Variants in TLE2 observed in about 807,000 individuals in gnomAD.
TLE2 encodes TLE family member 2, transcriptional corepressor, also known as transducin-like enhancer protein 2.
Under a neutral mutation model 97.2 loss-of-function variants are expected in TLE2, and 74 were observed. The observed-to-expected ratio is 0.76, with a 90% CI of 0.63 to 0.92. The LOEUF (loss-of-function observed/expected upper bound fraction) is 0.92. TLE2 is among the 40% of genes least tolerant of loss of function. The probability of loss-of-function intolerance (pLI) is 0.00; values close to 1 mark genes in which losing one functional copy is unlikely to be tolerated. For synonymous variants in TLE2, 499 were observed against 432.1 expected, an observed-to-expected ratio of 1.15 and a Z score of -1.92; for missense variants, 1,038 against 1,008.7, an observed-to-expected ratio of 1.03 and a Z score of -0.39.
At chr19:3,036,772 G>A (rs141615882) in intron 1 of TLE2, among the ~76,000 whole-genome samples, 1 of 152,346 alleles carries the variant, frequency 6.6e-6, no homozygotes, top group Non-Finnish European at 1.5e-5. Context: ...GTGCTGTTCT[G>A]CCTGGGAGCA....
intron 5 of TLE2, among the ~76,000 whole-genome samples, chr19:3,023,005 T>G (rs974497892): frequency 6.6e-6 from 1 of 151,990 alleles, no homozygotes; most frequent in African/African-American, 2.4e-5. Flanking sequence ...GTTTGCTAAT[T>G]CCTGGAAATG....
intron 1 of TLE2, among the ~76,000 whole-genome samples, chr19:3,040,880 T>C (rs570736399): frequency 6.7e-6 from 1 of 150,082 alleles, no homozygotes; most frequent in African/African-American, 2.4e-5. Context: ...CAGTTTCTGG[T>C]TTGCAGTGAG....
intron 1 of TLE2, among the ~76,000 whole-genome samples, chr19:3,038,551 C>T (rs1352362361): frequency 2.6e-5 from 4 of 152,220 alleles, no homozygotes; most frequent in Non-Finnish European, 5.9e-5. Context: ...CCCACTCTCC[C>T]CTCACGCTCC....
rs771464115 is a variant in TLE2, at chr19:3,005,884, T to G, written c.1585A>C (p.Ile529Leu). ...GGGGTGGGCGCCGCCAGGTCCCAAATGGACAAGGTGCTGGCCTCACCGCCC... is the reference window on the plus strand; with the variant it reads ...GGGGTGGGCGCCGCCAGGTCCCAAAGGGACAAGGTGCTGGCCTCACCGCCC... ...IVGGEASTLS[I>L]WDLAAPTPRI... The change falls in exon 16 of 20, where the codon ATT (isoleucine) becomes CTT (leucine). Residue 529 changes from isoleucine to leucine, a missense_variant. Physicochemically the swap from Ile to Leu is conservative, Grantham distance 5. Transcript: ENST00000262953. 3 of 1,613,542 alleles carry G rather than the reference T, an allele frequency of 1.9e-6. No individual in the cohort carries two copies. Among genetic ancestry groups the G allele is most frequent in the African/African-American group, 2.7e-5 (2 of 74,796 alleles).
intron 1 of TLE2, among the ~76,000 whole-genome samples, chr19:3,035,310 C>T (rs1026531148): frequency 6.6e-6 from 1 of 152,160 alleles, no homozygotes; most frequent in African/African-American, 2.4e-5. Context: ...AGGGAAGCAA[C>T]CTGCCAGGCG....
At chr19:3,029,504 G>A (rs2090003448), upstream of TLE2, 2 of 983,488 alleles carry the variant, frequency 2.0e-6, no homozygotes, top group Non-Finnish European at 1.2e-6. Flanking sequence ...TCCCGGAGGG[G>A]CGGGAGAAGA....
intron 17 of TLE2, among the ~76,000 whole-genome samples, chr19:3,003,947 T>C (rs2089421313): frequency 6.6e-6 from 1 of 152,034 alleles, no homozygotes; most frequent in Non-Finnish European, 1.5e-5. Flanking sequence ...CCTCAAGTGA[T>C]CCACCCACCT....
intron 1 of TLE2, 31 bp from the exon 2 acceptor site, chr19:3,028,834 C>G: frequency 6.2e-7 from 1 of 1,612,102 alleles, no homozygotes; most frequent in Non-Finnish European, 8.5e-7. Flanking sequence ...ACGTCAGGGT[C>G]TGAGTTCCCG....
chr19:3,046,056 A>C (rs941095799), upstream of TLE2, among the ~76,000 whole-genome samples: 36 of 152,308 alleles, frequency 2.4e-4, no homozygotes, highest in African/African-American at 8.7e-4. Flanking sequence ...TCTTTATGAT[A>C]TCTTTGCCTT....
chr19:3,019,079 G>A lies in TLE2; in HGVS notation c.550+204C>T, dbSNP rs987937330. ...CCACCCAGCAAATTTTTAAATTTTT[G>A]TAGAGACGGGGTCTCGCTCTGTTGC... On this transcript the variant is annotated intron_variant, in intron 7 of 19. Coordinates refer to ENST00000262953, the MANE Select transcript of TLE2 (RefSeq NM_003260.5). This position sits in a 1 kb window ranked among gnomAD's most constrained non-coding sequence, Gnocchi z 5.1. 6.6e-6 allele frequency among the ~76,000 whole-genome samples: 1 copy of A among 151,662 alleles called. No individual in the cohort carries two copies. Among genetic ancestry groups the A allele is most frequent in the Non-Finnish European group, 1.5e-5 (1 of 67,924 alleles).
At chr19:3,015,049 A>T (rs1221505025) in intron 9 of TLE2, among the ~76,000 whole-genome samples, 1 of 99,438 alleles carries the variant, frequency 1.0e-5, no homozygotes, top group South Asian at 4.0e-4. Context: ...AATAAATAAA[A>T]TTCATTGCCA....
At chr19:3,039,903 C>T (rs1033749098) in intron 1 of TLE2, among the ~76,000 whole-genome samples, 3 of 152,226 alleles carry the variant, frequency 2.0e-5, no homozygotes, top group African/African-American at 7.2e-5. Flanking sequence ...GCCACTGCGT[C>T]ACTGTGATCC....
intron 11 of TLE2, among the ~76,000 whole-genome samples, chr19:3,012,349 G>A (rs181800902): frequency 6.6e-6 from 1 of 152,190 alleles, no homozygotes; most frequent in East Asian, 1.9e-4. Flanking sequence ...CCAAGTAGCT[G>A]GCACTACAGG....
upstream of TLE2, among the ~76,000 whole-genome samples, chr19:3,047,064 C>T (rs1225426976): frequency 1.8e-5 from 1 of 55,884 alleles, no homozygotes; most frequent in South Asian, 7.0e-4. Flanking sequence ...CCTCCCCTCC[C>T]TCCCCCTCCC....
chr19:3,047,564 ATTG>A (rs1196444767), upstream of TLE2: 1 of 150,726 alleles, frequency 6.6e-6, no homozygotes, highest in Admixed American at 6.6e-5. Flanking sequence ...AATACTTACT[ATTG>A]TTATTATTAT....
chr19:3,019,204 A>G lies in TLE2; in HGVS notation c.550+79T>C, dbSNP rs771435145. 2.6e-6 allele frequency: 4 copies of G among 1,513,508 alleles called. No homozygotes were observed. Among genetic ancestry groups the G allele is most frequent in the Non-Finnish European group, 3.5e-6 (4 of 1,132,134 alleles). The allele number at this position is 1,513,508 out of a possible 1,614,324, so 93.8% of individuals were successfully genotyped here. A position where few individuals can be genotyped will look rare whatever the true frequency, so the allele number is the denominator to read the frequency against. ...TGAGCCACTTCATCCCCTCACGCTG[A>G]TGTTTGCTACCCTGGACTGCCAGTC... On this transcript the variant is annotated intron_variant, in intron 7 of 19. Coordinates refer to ENST00000262953, the MANE Select transcript of TLE2 (RefSeq NM_003260.5). This position sits in a 1 kb window ranked among gnomAD's most constrained non-coding sequence, Gnocchi z 5.1.
Position 3,006,489 on chromosome 19 carries a change from C to T in TLE2, c.1431G>A (p.Lys477=). The change falls in exon 15 of 20, where the codon AAG becomes AAA. Residue 477 remains lysine, a synonymous_variant. Coordinates refer to ENST00000262953, the MANE Select transcript of TLE2 (RefSeq NM_003260.5). The part of the protein sequence containing the change: ...GSTQHVYTGG[K]GCVKVWDVGQ... ...CCACGTCCCACACCTTCACACAGCC[C>T]TTGCCGCCCGTGTACACATGCTGTG... 1 of 1,610,528 alleles carries T rather than the reference C, an allele frequency of 6.2e-7. No homozygotes were observed. The highest frequency in any genetic ancestry group is 8.5e-7 in the Non-Finnish European group (1 of 1,179,248).
chr19:3,016,522 G>A (rs896787985), intron 8 of TLE2, among the ~76,000 whole-genome samples: 89 of 149,088 alleles, frequency 6.0e-4, no homozygotes, highest in African/African-American at 1.9e-3. Context: ...CCCAGGAGGC[G>A]GAGCTTACAG....
upstream of TLE2, among the ~76,000 whole-genome samples, chr19:3,046,029 C>T (rs1417171891): frequency 6.6e-6 from 1 of 152,126 alleles, no homozygotes; most frequent in African/African-American, 2.4e-5. Flanking sequence ...ACAACACAGC[C>T]GGTATTACTG....
Sources: allele counts gnomAD v4.1 joint callset (sites outside exome capture counted in the v4.1 genomes callset), GRCh38; gene constraint gnomAD v4.1.1; non-coding constraint Gnocchi (gnomAD v3.1); transcripts MANE v1.5; gene names NCBI Gene and HGNC (gene_info 2026-07-23, HGNC 2026-07-21).